The following NRXN1 variants were observed in gnomAD, a reference collection of about 807,000 sequenced individuals.
NRXN1 encodes the protein neurexin-1.
A neutral mutation model predicts 150.9 loss-of-function variants in NRXN1; 39 were observed. The observed-to-expected ratio is 0.26, with a 90% CI of 0.20 to 0.34. NRXN1 has a LOEUF of 0.34. Ranked by LOEUF, NRXN1 falls within the 10% of genes least tolerant of loss-of-function variation. The pLI, the probability that NRXN1 is intolerant of heterozygous loss-of-function variation, is 1.00. For synonymous variants in NRXN1, 924 were observed against 757.0 expected, an observed-to-expected ratio of 1.22 and a Z score of -3.62; for missense variants, 1,815 against 1,949.9, an observed-to-expected ratio of 0.93 and a Z score of 1.30.
intron 5 of NRXN1, among the ~76,000 whole-genome samples, chr2:50,734,198 G>A (rs1698443199): frequency 6.6e-6 from 1 of 152,098 alleles, no homozygotes; most frequent in East Asian, 1.9e-4. Context: ...GGCCCCACAT[G>A]TCTACCATGC....
chr2:50,455,059 T>C (rs1395491899), intron 17 of NRXN1, among the ~76,000 whole-genome samples: 1 of 152,156 alleles, frequency 6.6e-6, no homozygotes, highest in East Asian at 1.9e-4. Flanking sequence ...ACTACACCAG[T>C]GTGTCTCTAT....
intron 2 of NRXN1, among the ~76,000 whole-genome samples, chr2:51,007,202 C>T (rs1667147903): frequency 6.6e-6 from 1 of 151,840 alleles, no homozygotes; most frequent in South Asian, 2.1e-4. Context: ...TGCAATTGGA[C>T]ATGTTTTTCA....
intron 15 of NRXN1, among the ~76,000 whole-genome samples, chr2:50,483,683 T>A (rs1347403846): frequency 6.6e-6 from 1 of 152,150 alleles, no homozygotes; most frequent in Non-Finnish European, 1.5e-5. Context: ...AGAATAATAA[T>A]GCCAGCACTT....
At chr2:50,775,477 A>G (rs1182261079) in intron 5 of NRXN1, among the ~76,000 whole-genome samples, 1 of 152,152 alleles carries the variant, frequency 6.6e-6, no homozygotes, top group African/African-American at 2.4e-5. Flanking sequence ...AATAACTATT[A>G]TTGTTAGCAA....
intron 5 of NRXN1, among the ~76,000 whole-genome samples, chr2:50,658,574 A>G (rs1405930729): frequency 6.6e-6 from 1 of 151,916 alleles, no homozygotes; most frequent in African/African-American, 2.4e-5. Flanking sequence ...GCCATAATTC[A>G]AAAACAGACT....
At chr2:50,278,266 ATATATG>A (rs1558437148) in intron 17 of NRXN1, among the ~76,000 whole-genome samples, 19 of 92,512 alleles carry the variant, frequency 2.1e-4, no homozygotes, top group African/African-American at 8.4e-4. Context: ...TATATATATT[ATATATG>A]TATTATATAT....
chr2:49,991,156 C>T (rs889511115), intron 21 of NRXN1, among the ~76,000 whole-genome samples: 2 of 152,072 alleles, frequency 1.3e-5, no homozygotes, highest in African/African-American at 4.8e-5. Context: ...GACACTTCTC[C>T]ACTAAGACTA....
At chr2:50,858,322 T>A (rs1310149222) in intron 5 of NRXN1, among the ~76,000 whole-genome samples, 1 of 152,130 alleles carries the variant, frequency 6.6e-6, no homozygotes, top group Non-Finnish European at 1.5e-5. Context: ...CACCATTGTC[T>A]CACTGTTTGG....
Position 50,591,556 on chromosome 2 carries a change from C to G in NRXN1, c.1320+28466G>C, listed in dbSNP as rs576259992. Among the ~76,000 whole-genome samples the G allele has an allele frequency of 4.6e-5, 7 of 152,244 alleles. No homozygotes were observed. In the East Asian group the frequency reaches 1.4e-3, roughly 29 times the overall value. ...TGGGTCCCAGGAAGTTCTGAGTTAT[C>G]TATTTTTATTTATCATAATGCCTAT... On this transcript the variant is annotated intron_variant, in intron 8 of 22. Coordinates refer to ENST00000401669, the MANE Select transcript of NRXN1 (RefSeq NM_001330078.2).
At chr2:50,184,204 A>G (rs1206994036) in intron 18 of NRXN1, among the ~76,000 whole-genome samples, 1 of 152,036 alleles carries the variant, frequency 6.6e-6, no homozygotes, top group Non-Finnish European at 1.5e-5. Flanking sequence ...TATTTTCTCA[A>G]CTTGACAATA....
At chr2:50,181,872 T>C (rs2060742892) in intron 18 of NRXN1, among the ~76,000 whole-genome samples, 1 of 152,092 alleles carries the variant, frequency 6.6e-6, no homozygotes, top group African/African-American at 2.4e-5. Context: ...ATGAACGTTT[T>C]TGTGACTACT....
In NRXN1 at chr2:50,082,627, T is replaced by A. The variant is rs893271655; in HGVS notation, c.3718+8696A>T. Among the ~76,000 whole-genome samples, 8 of 152,206 alleles carry A rather than the reference T, an allele frequency of 5.3e-5. No individual in the cohort carries two copies. In the East Asian group the frequency reaches 1.3e-3, roughly 26 times the overall value. ...AAAAACTCGCAAAACAGAATAAATT[T>A]TTATTGATTAAATGTTTCAAAATAT... On this transcript the variant is annotated intron_variant, in intron 19 of 22. Transcript: ENST00000401669.
intron 17 of NRXN1, among the ~76,000 whole-genome samples, chr2:50,332,516 T>A (rs543776157): frequency 1.4e-4 from 21 of 152,310 alleles, no homozygotes; most frequent in African/African-American, 5.1e-4. Context: ...GTTGGAGAGA[T>A]CTCTGCTGCA....
intron 2 of NRXN1, among the ~76,000 whole-genome samples, chr2:50,931,182 T>C (rs1158841782): frequency 3.3e-5 from 5 of 152,158 alleles, no homozygotes; most frequent in Non-Finnish European, 7.3e-5. Flanking sequence ...TGGTCTTCAT[T>C]TGAAAGAGCT....
chr2:50,706,877 TTTA>T (rs1694519672), intron 5 of NRXN1, among the ~76,000 whole-genome samples: 1 of 151,976 alleles, frequency 6.6e-6, no homozygotes, highest in Non-Finnish European at 1.5e-5. Flanking sequence ...ATTTTGACAA[TTTA>T]TCCTTCATTG....
At chr2:50,339,340 T>C (rs1212135686) in intron 17 of NRXN1, among the ~76,000 whole-genome samples, 1 of 150,094 alleles carries the variant, frequency 6.7e-6, no homozygotes, top group African/African-American at 2.5e-5. Context: ...ACAACCTTGG[T>C]TTAAAAAATG....
intron 5 of NRXN1, among the ~76,000 whole-genome samples, chr2:50,655,190 A>G (rs1475425679): frequency 6.7e-6 from 1 of 149,542 alleles, no homozygotes; most frequent in Non-Finnish European, 1.5e-5. Context: ...GCAAGCATGG[A>G]AAAAAAAAAG....
chr2:50,463,215 T>C (rs1333303882), intron 17 of NRXN1, among the ~76,000 whole-genome samples: 3 of 151,980 alleles, frequency 2.0e-5, no homozygotes, highest in Non-Finnish European at 2.9e-5. Context: ...TTTTGATCAA[T>C]TTAAAAAGTG....
At chr2:50,254,233 T>C (rs967120527) in intron 17 of NRXN1, among the ~76,000 whole-genome samples, 7 of 152,052 alleles carry the variant, frequency 4.6e-5, no homozygotes, top group African/African-American at 1.7e-4. Flanking sequence ...TGATGGTTGG[T>C]TGTATTTCTG....
Sources: gnomAD v4.1 joint callset for allele counts (sites outside exome capture counted in the v4.1 genomes callset) on GRCh38, gnomAD v4.1.1 for gene constraint, MANE v1.5 for transcripts, NCBI Gene and HGNC (gene_info 2026-07-23, HGNC 2026-07-21) for gene names.